Variants in RAB9B observed in about 807,000 individuals in gnomAD.
RAB9B encodes the protein RAB9B, member RAS oncogene family, also known as ras-related protein Rab-9B.
Under a neutral mutation model 8.9 loss-of-function variants are expected in RAB9B, and 1 was observed. That is an observed-to-expected ratio of 0.11 (90% CI 0.04 to 0.53). RAB9B has a LOEUF of 0.53. Ranked by LOEUF, RAB9B falls within the 20% of genes least tolerant of loss-of-function variation. RAB9B has a pLI of 0.93. For missense variants in RAB9B, 82 were observed against 152.9 expected (o/e 0.54, Z 2.45); for synonymous variants, 63 against 57.0 (o/e 1.10, Z -0.47).
the RAB9B span, among the ~76,000 whole-genome samples, chrX:103,803,647 C>T: frequency 1.8e-5 from 2 of 112,853 alleles, no homozygotes; most frequent in South Asian, 3.6e-4. Context: ...GGCATGATCT[C>T]AGCTCACTGC....
chrX:103,783,236 G>A, the RAB9B span, among the ~76,000 whole-genome samples: 10 of 112,058 alleles, frequency 8.9e-5, no homozygotes, highest in East Asian at 1.1e-3. Context: ...ATGCATGTGC[G>A]TGTGCACACA....
At chrX:103,821,551 T>C (rs2074660804), downstream of RAB9B, among the ~76,000 whole-genome samples, 2 of 111,596 alleles carry the variant, frequency 1.8e-5, no homozygotes, top group Admixed American at 9.5e-5. Flanking sequence ...ATTCAAGCCA[T>C]TGGGTGCTAA....
chrX:103,791,045 G>A, the RAB9B span: 2 of 148,062 alleles, frequency 1.4e-5, no homozygotes, highest in Non-Finnish European at 2.6e-5. Flanking sequence ...TCTCTTTGGT[G>A]TACAAAATGG....
At chrX:103,802,188 AAGAG>A in the RAB9B span, among the ~76,000 whole-genome samples, 6 of 102,763 alleles carry the variant, frequency 5.8e-5, no homozygotes, top group Admixed American at 1.1e-4. Context: ...TAGAAGAAGA[AAGAG>A]AGAGAGAGAG....
chrX:103,777,102 G>GTGT, the RAB9B span: 1 of 668,023 alleles, frequency 1.5e-6, no homozygotes, highest in African/African-American at 2.1e-5. Flanking sequence ...TAAATGAGTC[G>GTGT]TGTTTTGGCA....
the RAB9B span, chrX:103,788,568 C>A: frequency 2.1e-3 from 1,836 of 862,464 alleles, 3 homozygotes; most frequent in Non-Finnish European, 2.9e-3. Context: ...ACAAATTACA[C>A]CCATGGCCTT....
At chrX:103,812,922 AG>A in the RAB9B span, among the ~76,000 whole-genome samples, 1 of 103,357 alleles carries the variant, frequency 9.7e-6, no homozygotes, top group Non-Finnish European at 2.0e-5. Flanking sequence ...TCGGTTCCTG[AG>A]TTTTTTTTTT....
the RAB9B span, among the ~76,000 whole-genome samples, chrX:103,808,756 G>A: frequency 8.9e-6 from 1 of 112,885 alleles, no homozygotes; most frequent in Non-Finnish European, 1.9e-5. Flanking sequence ...CAGGGCAAGA[G>A]GGTCAGTAAG....
At chrX:103,827,534 G>A (rs1569435788) in intron 1 of RAB9B, among the ~76,000 whole-genome samples, 1 of 111,985 alleles carries the variant, frequency 8.9e-6, no homozygotes, top group Non-Finnish European at 1.9e-5. Flanking sequence ...TCTGTCTCAA[G>A]GTTGTCTCTG....
At chrX:103,812,293 A>G in the RAB9B span, among the ~76,000 whole-genome samples, 1 of 111,646 alleles carries the variant, frequency 9.0e-6, no homozygotes, top group Admixed American at 9.6e-5. Context: ...CATATTAATT[A>G]GGGAGATATA....
the RAB9B span, among the ~76,000 whole-genome samples, chrX:103,781,630 A>G: frequency 8.9e-6 from 1 of 112,431 alleles, no homozygotes; most frequent in African/African-American, 3.2e-5. Context: ...CCTAATGTCT[A>G]TGTCACTGCT....
the RAB9B span, chrX:103,787,642 C>T: frequency 7.6e-6 from 4 of 524,464 alleles, no homozygotes; most frequent in Non-Finnish European, 1.4e-5. Context: ...GCCAATTACC[C>T]TTGGCAGAGG....
downstream of RAB9B, chrX:103,822,213 T>C (rs5945830): frequency 0.37 from 40,564 of 110,914 alleles, 5,750 homozygotes; most frequent in Admixed American, 0.47. Context: ...TGAAACATGA[T>C]CCAGAGGCCA....
rs2147784974 is a variant in RAB9B at position 103,824,214 on chromosome X, T to G, written c.*965A>C. ...CAACATATAAGAAACCAGTTCCTTC[T>G]TCTGCAATAAATATTTGAGTTAAGG... is the stretch of plus-strand genomic sequence containing the variant. On this transcript the variant is annotated 3_prime_UTR_variant, in exon 3 of 3. Transcript: ENST00000243298. 8.9e-6 allele frequency: 1 copy of G among 112,418 alleles called. No individual in the cohort carries two copies. Among genetic ancestry groups the G allele is most frequent in the South Asian group, 3.7e-4 (1 of 2,702 alleles). The allele number at this position is 112,418 out of a possible 1,213,427, so 9.3% of individuals were successfully genotyped here. A position where few individuals can be genotyped will look rare whatever the true frequency, so the allele number is the denominator to read the frequency against.
At chrX:103,829,085 G>C (rs961877986) in intron 1 of RAB9B, among the ~76,000 whole-genome samples, 1 of 112,147 alleles carries the variant, frequency 8.9e-6, no homozygotes, top group Non-Finnish European at 1.9e-5. Context: ...TTTGGTTTGA[G>C]ATTTTTATTC....
At chrX:103,822,029 T>C (rs2074662983), downstream of RAB9B, among the ~76,000 whole-genome samples, 1 of 111,743 alleles carries the variant, frequency 8.9e-6, no homozygotes, top group Non-Finnish European at 1.9e-5. Flanking sequence ...GAGCCATGAT[T>C]GCGCCACTGC....
At chrX:103,789,510 A>G in the RAB9B span, 4 of 630,852 alleles carry the variant, frequency 6.3e-6, no homozygotes, top group African/African-American at 8.7e-5. Flanking sequence ...TGCTGGAGGG[A>G]AGCTTCTGGG....
chrX:103,794,674 A>T, the RAB9B span, among the ~76,000 whole-genome samples: 1 of 112,564 alleles, frequency 8.9e-6, no homozygotes, highest in Non-Finnish European at 1.9e-5. Context: ...TGACATTAAC[A>T]GTTAACTTCA....
chrX:103,797,175 C>T, the RAB9B span, among the ~76,000 whole-genome samples: 2 of 106,774 alleles, frequency 1.9e-5, no homozygotes, highest in Middle Eastern at 4.3e-3. Context: ...ACAGCCTTGA[C>T]CTCCTGGGCT....
Sources: allele counts gnomAD v4.1 joint callset (sites outside exome capture counted in the v4.1 genomes callset), GRCh38; gene constraint gnomAD v4.1.1; transcripts MANE v1.5; gene names NCBI Gene and HGNC (gene_info 2026-07-23, HGNC 2026-07-21).